The following PRKN variants were observed in gnomAD, a reference collection of about 807,000 sequenced individuals.
PRKN encodes E3 ubiquitin-protein ligase parkin.
PRKN carries 56 observed loss-of-function variants against 59.5 expected under a neutral mutation model. That is an observed-to-expected ratio of 0.94 (90% CI 0.76 to 1.18). The LOEUF (loss-of-function observed/expected upper bound fraction) is 1.18, where lower values mean the gene tolerates loss of function less well. Ranked by LOEUF, PRKN falls within the 50% of genes most tolerant of loss-of-function variation. PRKN has a pLI of 0.00. For synonymous variants in PRKN, 250 were observed against 222.1 expected, an observed-to-expected ratio of 1.13 and a Z score of -1.12; for missense variants, 657 against 596.4, an observed-to-expected ratio of 1.10 and a Z score of -1.06.
Position 161,459,657 on chromosome 6 carries a change from G to A in PRKN, c.1084-72780C>T, listed in dbSNP as rs969811407. Among the ~76,000 whole-genome samples the A allele has an allele frequency of 4.6e-5, 7 of 152,132 alleles. No homozygotes were observed. Among genetic ancestry groups the A allele is most frequent in the Non-Finnish European group, 8.8e-5 (6 of 68,032 alleles). Reference sequence around the variant, plus strand: ...TCCCTCACAAGCAAGCTATTTTCCCGTTTTTCTCATCGCTGTTTAGAGGTT... The same window carrying A: ...TCCCTCACAAGCAAGCTATTTTCCCATTTTTCTCATCGCTGTTTAGAGGTT... On this transcript the variant is annotated intron_variant, in intron 9 of 11. Transcript: ENST00000366898. This position sits in a 1 kb window ranked among gnomAD's most constrained non-coding sequence, Gnocchi z 4.8.
At chr6:161,752,343 G>A (rs556251657) in intron 7 of PRKN, among the ~76,000 whole-genome samples, 1 of 152,034 alleles carries the variant, frequency 6.6e-6, no homozygotes, top group South Asian at 2.1e-4. Context: ...ACTCTAGCCT[G>A]GTGACAGAGC....
At chr6:162,160,995 A>G (rs1319573390) in intron 4 of PRKN, among the ~76,000 whole-genome samples, 1 of 151,938 alleles carries the variant, frequency 6.6e-6, no homozygotes, top group Non-Finnish European at 1.5e-5. Context: ...TGCAGAAATC[A>G]CTGTCATAAT....
intron 7 of PRKN, among the ~76,000 whole-genome samples, chr6:161,602,101 A>G (rs1583280172): frequency 2.1e-5 from 2 of 96,742 alleles, no homozygotes; most frequent in African/African-American, 1.3e-4. Context: ...TATTTAGGGG[A>G]GATTATCTAT....
chr6:161,907,667 C>T lies in PRKN; in HGVS notation c.734+65635G>A, dbSNP rs995843734. Among the ~76,000 whole-genome samples the T allele has an allele frequency of 1.2e-4, 18 of 152,222 alleles. No homozygotes were observed. In the East Asian group the frequency reaches 1.4e-3, roughly 11 times the overall value. The stretch of plus-strand genomic sequence containing the variant: ...AGTGTAAACAATGGCATGAAAGTGA[C>T]GTAAGACGTGAGCCAGGATGGTCTG... On this transcript the variant is annotated intron_variant, in intron 6 of 11. Coordinates refer to ENST00000366898, the MANE Select transcript of PRKN (RefSeq NM_004562.3).
At chr6:161,734,441 G>A (rs1020247670) in intron 7 of PRKN, among the ~76,000 whole-genome samples, 1 of 152,162 alleles carries the variant, frequency 6.6e-6, no homozygotes, top group African/African-American at 2.4e-5. Context: ...ATTGTGTGGA[G>A]CCACCTGTAC....
chr6:161,428,955 C>T lies in PRKN; in HGVS notation c.1084-42078G>A, dbSNP rs1788520853. Reference sequence around the variant, plus strand: ...TGATGGCCAGGCATACATTCCTGCCCTAAGACTGGAAGGCTGGCAGACCAG... The same window carrying T: ...TGATGGCCAGGCATACATTCCTGCCTTAAGACTGGAAGGCTGGCAGACCAG... On this transcript the variant is annotated intron_variant, in intron 9 of 11. Transcript: ENST00000366898. The surrounding 1 kb of genome is among the most constrained non-coding windows in gnomAD (Gnocchi z 4.0). 6.6e-6 allele frequency among the ~76,000 whole-genome samples: 1 copy of T among 152,158 alleles called. No homozygotes were observed.
rs1019069100 is a variant in PRKN, at chr6:161,484,535, G to C, written c.1083+64319C>G. 6.6e-6 allele frequency among the ~76,000 whole-genome samples: 1 copy of C among 152,178 alleles called. No individual in the cohort carries two copies. Among genetic ancestry groups the C allele is most frequent in the Non-Finnish European group, 1.5e-5 (1 of 68,044 alleles). The stretch of plus-strand genomic sequence containing the variant: ...GGACATGGGATTCACTCTTTTTAAA[G>C]ATGAGACAGTTGACACTTGGGAAGC... On this transcript the variant is annotated intron_variant, in intron 9 of 11. Coordinates refer to ENST00000366898, the MANE Select transcript of PRKN (RefSeq NM_004562.3). This position sits in a 1 kb window ranked among gnomAD's most constrained non-coding sequence, Gnocchi z 4.9.
Position 161,895,972 on chromosome 6 carries a change from A to G in PRKN, c.734+77330T>C, listed in dbSNP as rs182712777. On this transcript the variant is annotated intron_variant, in intron 6 of 11. Coordinates refer to ENST00000366898, the MANE Select transcript of PRKN (RefSeq NM_004562.3). Reference sequence around the variant, plus strand: ...CACAGAATCAGCTGAGCTGGTGGGAAGTGAACAAGTAAAGCTAAGGGGCTA... The same window carrying G: ...CACAGAATCAGCTGAGCTGGTGGGAGGTGAACAAGTAAAGCTAAGGGGCTA... Among the ~76,000 whole-genome samples the G allele has an allele frequency of 3.2e-3, 485 of 152,302 alleles. 2 individuals are homozygous for G. Among genetic ancestry groups the G allele is most frequent in the Non-Finnish European group, 4.6e-3 (313 of 68,020 alleles).
At chr6:162,703,590 T>C (rs1778234874) in intron 1 of PRKN, among the ~76,000 whole-genome samples, 2 of 152,180 alleles carry the variant, frequency 1.3e-5, no homozygotes, top group Non-Finnish European at 1.5e-5. Context: ...TGAGTGTGTG[T>C]CAGGCACGGG....
chr6:162,319,713 A>T (rs1282708469), intron 2 of PRKN, among the ~76,000 whole-genome samples: 1 of 152,044 alleles, frequency 6.6e-6, no homozygotes, highest in Admixed American at 6.6e-5. Flanking sequence ...AATCACTAAT[A>T]TACTAACATT....
chr6:161,351,582 C>T (rs536336047), intron 11 of PRKN, among the ~76,000 whole-genome samples: 2 of 152,266 alleles, frequency 1.3e-5, no homozygotes, highest in South Asian at 2.1e-4. Flanking sequence ...GCCTCGGCCT[C>T]CCAAAGTGCT....
chr6:162,470,148 C>G (rs1791658528), intron 1 of PRKN, among the ~76,000 whole-genome samples: 1 of 152,100 alleles, frequency 6.6e-6, no homozygotes, highest in Admixed American at 6.6e-5. Context: ...CTGGGACATC[C>G]TCTGGACAAA....
intron 6 of PRKN, among the ~76,000 whole-genome samples, chr6:161,900,779 T>C (rs1352031151): frequency 4.6e-5 from 1 of 21,566 alleles, no homozygotes; most frequent in Non-Finnish European, 8.6e-5. Context: ...CATACATAAT[T>C]ATATATAAAA....
At position 162,342,067 on chromosome 6, in the gene PRKN, T is replaced by C. The variant is rs191070263; in HGVS notation, c.172-79302A>G. ...TAGTGACTCTTGCATGGCTCTTCCA[T>C]CGGTATACATATTTAAGTTTGAATT... On this transcript the variant is annotated intron_variant, in intron 2 of 11. Coordinates refer to ENST00000366898, the MANE Select transcript of PRKN (RefSeq NM_004562.3). Among the ~76,000 whole-genome samples, 10 of 152,262 alleles carry C rather than the reference T, an allele frequency of 6.6e-5. 1 individual carries two copies. In the East Asian group the frequency reaches 1.4e-3, roughly 21 times the overall value.
Position 161,549,616 on chromosome 6 carries a change from C to T in PRKN, c.934-613G>A, listed in dbSNP as rs1377139996. Among the ~76,000 whole-genome samples the T allele has an allele frequency of 6.6e-6, 1 of 152,048 alleles. No individual in the cohort carries two copies. Reference sequence around the variant, plus strand: ...CTTGTGTCCCTGATGTCATTTCTTCCTGGTACCGTTTTGCTCAATTTCCTT... The same window carrying T: ...CTTGTGTCCCTGATGTCATTTCTTCTTGGTACCGTTTTGCTCAATTTCCTT... On this transcript the variant is annotated intron_variant, in intron 8 of 11. Coordinates refer to ENST00000366898, the MANE Select transcript of PRKN (RefSeq NM_004562.3). This position sits in a 1 kb window ranked among gnomAD's most constrained non-coding sequence, Gnocchi z 6.0.
intron 1 of PRKN, among the ~76,000 whole-genome samples, chr6:162,660,028 C>T (rs1778817561): frequency 6.6e-6 from 1 of 152,138 alleles, no homozygotes; most frequent in South Asian, 2.1e-4. Flanking sequence ...GATAATCCTC[C>T]TATCCTAGCC....
chr6:162,609,628 A>G (rs1782061595), intron 1 of PRKN, among the ~76,000 whole-genome samples: 2 of 152,232 alleles, frequency 1.3e-5, no homozygotes, highest in Non-Finnish European at 2.9e-5. Flanking sequence ...CATTTTAGCC[A>G]AGCTTCAACA....
intron 4 of PRKN, among the ~76,000 whole-genome samples, chr6:162,151,776 T>C (rs573168455): frequency 1.6e-4 from 24 of 152,252 alleles, no homozygotes; most frequent in Admixed American, 2.6e-4. Flanking sequence ...AAGATAAAAA[T>C]ATCTTCGGAG....
chr6:161,727,181 T>A (rs1787476480), intron 7 of PRKN, among the ~76,000 whole-genome samples: 1 of 151,908 alleles, frequency 6.6e-6, no homozygotes, highest in South Asian at 2.1e-4. Context: ...ACAATGGGAG[T>A]CCTATTTTCT....
Sources: gnomAD v4.1 joint callset for allele counts (sites outside exome capture counted in the v4.1 genomes callset) on GRCh38, gnomAD v4.1.1 for gene constraint, Gnocchi (gnomAD v3.1) non-coding constraint, MANE v1.5 for transcripts, NCBI Gene and HGNC (gene_info 2026-07-23, HGNC 2026-07-21) for gene names.